Variants in KMT2C observed in about 807,000 individuals in gnomAD.
KMT2C encodes the protein histone-lysine N-methyltransferase 2C.
KMT2C carries 88 observed loss-of-function variants against 507.9 expected under a neutral mutation model. The observed-to-expected ratio is 0.17, with a 90% CI of 0.15 to 0.21. KMT2C has a LOEUF of 0.21. Ranked by LOEUF, KMT2C falls within the 10% of genes least tolerant of loss-of-function variation. The pLI, the probability that KMT2C is intolerant of heterozygous loss-of-function variation, is 1.00. For synonymous variants in KMT2C, 2,049 were observed against 2,080.8 expected, an observed-to-expected ratio of 0.98 and a Z score of 0.42; for missense variants, 4,954 against 5,957.8, an observed-to-expected ratio of 0.83 and a Z score of 5.55.
rs1270557257 is a variant in KMT2C, at chr7:152,213,251, T to C, written c.3713-5823A>G. 2.6e-5 allele frequency among the ~76,000 whole-genome samples: 4 copies of C among 152,190 alleles called. No homozygotes were observed. The East Asian group carries it at 7.7e-4, about 29-fold the overall frequency. ...GTATTAAATCATAAAAGACCCTGAA[T>C]AGCCAAAAGAATCTTGAGAAAGAAA... On this transcript the variant is annotated intron_variant, in intron 23 of 58. Coordinates refer to ENST00000262189, the MANE Select transcript of KMT2C (RefSeq NM_170606.3).
chr7:152,333,272 C>A (rs2096901135), intron 2 of KMT2C, among the ~76,000 whole-genome samples: 2 of 152,120 alleles, frequency 1.3e-5, no homozygotes, highest in South Asian at 4.1e-4. Context: ...GCTGGGACCA[C>A]AGGCACATGT....
chr7:152,399,747 AT>A (rs1477491278), intron 1 of KMT2C, among the ~76,000 whole-genome samples: 2 of 152,296 alleles, frequency 1.3e-5, no homozygotes, highest in Non-Finnish European at 1.5e-5. Context: ...TAAAAAAAAA[AT>A]AAACCTTATT....
At chr7:152,278,219 G>T (rs10255009) in intron 6 of KMT2C, among the ~76,000 whole-genome samples, 18,194 of 151,844 alleles carry the variant, frequency 0.12, 2,738 homozygotes, top group African/African-American at 0.35. Flanking sequence ...CTCCTGTTCT[G>T]GCTATGTGAG....
At chr7:152,343,470 A>G (rs2097019666) in intron 2 of KMT2C, among the ~76,000 whole-genome samples, 1 of 151,390 alleles carries the variant, frequency 6.6e-6, no homozygotes, top group Non-Finnish European at 1.5e-5. Flanking sequence ...AAAAAAAAGA[A>G]CAGAATGTTT....
At chr7:152,374,814 C>T (rs1029679756) in intron 1 of KMT2C, among the ~76,000 whole-genome samples, 1 of 148,666 alleles carries the variant, frequency 6.7e-6, no homozygotes, top group South Asian at 2.1e-4. Flanking sequence ...ACCCGAGAGG[C>T]GGAGCTTGCA....
chr7:152,301,672 G>A (rs1207039290), intron 6 of KMT2C, among the ~76,000 whole-genome samples: 1 of 152,142 alleles, frequency 6.6e-6, no homozygotes, highest in Non-Finnish European at 1.5e-5. Context: ...AAACAACTGA[G>A]ATGCTATCTC....
intron 12 of KMT2C, among the ~76,000 whole-genome samples, chr7:152,250,586 A>G (rs999388193): frequency 1.3e-5 from 2 of 152,188 alleles, no homozygotes; most frequent in African/African-American, 4.8e-5. Flanking sequence ...AACTACAACT[A>G]AAGAAATAAA....
At chr7:152,247,049 G>C (rs2095484228) in intron 14 of KMT2C, among the ~76,000 whole-genome samples, 1 of 152,086 alleles carries the variant, frequency 6.6e-6, no homozygotes, top group African/African-American at 2.4e-5. Context: ...TTTAAATCAT[G>C]AAACTTAAAA....
intron 24 of KMT2C, among the ~76,000 whole-genome samples, chr7:152,206,019 T>C (rs754513529): frequency 6.6e-6 from 1 of 152,178 alleles, no homozygotes; most frequent in Non-Finnish European, 1.5e-5. Flanking sequence ...TTTAACAGCA[T>C]GGAATCTGGA....
At chr7:152,237,874 G>A (rs2095310375) in intron 15 of KMT2C, among the ~76,000 whole-genome samples, 1 of 152,264 alleles carries the variant, frequency 6.6e-6, no homozygotes, top group Admixed American at 6.5e-5. Context: ...CGAGACTACA[G>A]TAATCTCTCA....
chr7:152,412,768 G>GTA (rs2097696569), intron 1 of KMT2C, among the ~76,000 whole-genome samples: 1 of 133,410 alleles, frequency 7.5e-6, no homozygotes, highest in Non-Finnish European at 1.7e-5. Context: ...TATTGTGGTG[G>GTA]GGGGGATGGT....
At chr7:152,212,763 G>A (rs10273600) in intron 23 of KMT2C, among the ~76,000 whole-genome samples, 1,544 of 152,282 alleles carry the variant, frequency 0.01, 30 homozygotes, top group African/African-American at 0.036. Flanking sequence ...ACACACAGCC[G>A]GGCATGGTGG....
chr7:152,348,893 G>C (rs1490716815), intron 2 of KMT2C, among the ~76,000 whole-genome samples: 4 of 152,188 alleles, frequency 2.6e-5, no homozygotes, highest in African/African-American at 9.6e-5. Context: ...TTGGAAGACA[G>C]CTTGGTGGTT....
chr7:152,182,031 T>A lies in KMT2C; in HGVS notation c.5829A>T (p.Ala1943=), dbSNP rs989382277. ...SRPLQMNETT[A]NRPSPVRDLC... is the part of the protein sequence containing the mutation. ...AATCTCTGACAGGGGATGGCCTATTTGCTGTTGTCTCATTCATTTGAAGGG... is the reference window on the plus strand; with the variant it reads ...AATCTCTGACAGGGGATGGCCTATTAGCTGTTGTCTCATTCATTTGAAGGG... Residue 1943 remains alanine, a synonymous_variant, in exon 36 of 59, where the codon GCA becomes GCT. Coordinates refer to ENST00000262189, the MANE Select transcript of KMT2C (RefSeq NM_170606.3). 1 of 1,614,052 alleles carries A rather than the reference T, an allele frequency of 6.2e-7. No homozygotes were observed.
At chr7:152,435,208 G>A (rs1326495972) in intron 1 of KMT2C, among the ~76,000 whole-genome samples, 1 of 151,998 alleles carries the variant, frequency 6.6e-6, no homozygotes, top group Non-Finnish European at 1.5e-5. Flanking sequence ...AGCTCCGAGA[G>A]TTTCCCGAGC....
At chr7:152,417,951 T>TAAAAAA (rs748980838) in intron 1 of KMT2C, among the ~76,000 whole-genome samples, 1 of 110,968 alleles carries the variant, frequency 9.0e-6, no homozygotes, top group African/African-American at 3.9e-5. Context: ...CTCTTTCTTT[T>TAAAAAA]AAAAAAAAAA....
intron 1 of KMT2C, among the ~76,000 whole-genome samples, chr7:152,366,571 G>GT (rs1419858239): frequency 6.6e-6 from 1 of 152,228 alleles, no homozygotes; most frequent in African/African-American, 2.4e-5. Context: ...AAGTGGAACG[G>GT]TGGTTGCCAG....
intron 1 of KMT2C, among the ~76,000 whole-genome samples, chr7:152,364,934 G>GACACACACACACACACACACAC (rs71198778): frequency 7.2e-6 from 1 of 138,058 alleles, no homozygotes; most frequent in African/African-American, 2.7e-5. Flanking sequence ...GAAACAGACA[G>GACACACACACACACACACACAC]ACACACACAC....
intron 3 of KMT2C, among the ~76,000 whole-genome samples, chr7:152,315,958 T>C (rs1228718983): frequency 2.6e-5 from 4 of 151,774 alleles, no homozygotes; most frequent in Non-Finnish European, 5.9e-5. Flanking sequence ...GAAGGTAGAG[T>C]TTAGTAGCCA....
Sources: gnomAD v4.1 joint callset for allele counts (sites outside exome capture counted in the v4.1 genomes callset) on GRCh38, gnomAD v4.1.1 for gene constraint, MANE v1.5 for transcripts, NCBI Gene and HGNC (gene_info 2026-07-23, HGNC 2026-07-21) for gene names.